GLIS3: variants seen among roughly 807,000 people sequenced by gnomAD.
The protein encoded by GLIS3 is GLIS family zinc finger 3.
Under a neutral mutation model 78.6 loss-of-function variants are expected in GLIS3, and 53 were observed. The ratio of observed to expected loss-of-function variants is 0.67; its 90% CI spans 0.54 to 0.85. The LOEUF is 0.85. Ranked by LOEUF, GLIS3 falls within the 40% of genes least tolerant of loss-of-function variation. GLIS3 has a pLI of 0.00. For missense variants in GLIS3, 1,703 were observed against 1,231.1 expected (o/e 1.38, Z -5.74); for synonymous variants, 684 against 509.9 (o/e 1.34, Z -4.60).
At chr9:4,260,237 C>A (rs2130001481) in intron 2 of GLIS3, among the ~76,000 whole-genome samples, 1 of 152,272 alleles carries the variant, frequency 6.6e-6, no homozygotes, top group Admixed American at 6.5e-5. Flanking sequence ...TTGAGACCAT[C>A]CTGCCCAACA....
upstream of GLIS3, among the ~76,000 whole-genome samples, chr9:4,301,449 A>C (rs1047616659): frequency 6.6e-6 from 1 of 152,248 alleles, no homozygotes; most frequent in South Asian, 2.1e-4. Context: ...GGAAATTGCC[A>C]TGACTATTCC....
At chr9:4,273,219 T>A (rs1018385273) in intron 2 of GLIS3, among the ~76,000 whole-genome samples, 1 of 151,144 alleles carries the variant, frequency 6.6e-6, no homozygotes, top group Admixed American at 6.6e-5. Flanking sequence ...TTGCAGTGGT[T>A]TATAGAGATC....
chr9:4,437,420 G>GTATGTATGTATGTATCTATC, the GLIS3 span, among the ~76,000 whole-genome samples: 23 of 126,928 alleles, frequency 1.8e-4, no homozygotes, highest in African/African-American at 5.5e-4. Context: ...ATGTATGTAT[G>GTATGTATGTATGTATCTATC]TATCTATCTA....
intron 7 of GLIS3, among the ~76,000 whole-genome samples, chr9:3,897,233 C>G (rs2130590371): frequency 6.6e-6 from 1 of 152,218 alleles, no homozygotes; most frequent in Non-Finnish European, 1.5e-5. Context: ...GGCCATTTTT[C>G]AATCACTTCT....
At chr9:3,844,501 T>A (rs1818919917) in intron 9 of GLIS3, among the ~76,000 whole-genome samples, 1 of 152,292 alleles carries the variant, frequency 6.6e-6, no homozygotes, top group Non-Finnish European at 1.5e-5. Flanking sequence ...TAGAAAGATG[T>A]CATTACTTCC....
intron 8 of GLIS3, among the ~76,000 whole-genome samples, chr9:3,861,260 ATATAAACAC>A (rs1820193096): frequency 6.6e-6 from 1 of 152,184 alleles, no homozygotes; most frequent in African/African-American, 2.4e-5. Flanking sequence ...GACTATTCAG[ATATAAACAC>A]TAAGGCTCAA....
chr9:4,425,902 T>C, the GLIS3 span, among the ~76,000 whole-genome samples: 71 of 152,252 alleles, frequency 4.7e-4, 2 homozygotes, highest in South Asian at 0.015. Context: ...TTGGTTCCAG[T>C]TCCTCAGTCC....
Position 4,201,173 on chromosome 9 carries a change from A to T in GLIS3, c.389-75232T>A, listed in dbSNP as rs141156360. Among the ~76,000 whole-genome samples the T allele has an allele frequency of 6.0e-3, 921 of 152,322 alleles. 10 individuals are homozygous for T. Among genetic ancestry groups the T allele is most frequent in the African/African-American group, 0.021 (872 of 41,580 alleles). ...AAAACCTCAAGAAACTAGGCATCAA[A>T]GGAACATACCTCAAAATAATCAGAT... On this transcript the variant is annotated intron_variant, in intron 2 of 10. Coordinates refer to ENST00000381971, the MANE Select transcript of GLIS3 (RefSeq NM_001042413.2).
chr9:4,238,758 T>A (rs533043238), intron 2 of GLIS3, among the ~76,000 whole-genome samples: 3 of 152,154 alleles, frequency 2.0e-5, no homozygotes, highest in African/African-American at 7.2e-5. Flanking sequence ...TCTTCCAGAG[T>A]TGGCTTTAAT....
chr9:4,124,658 G>C (rs1022499352), intron 3 of GLIS3, among the ~76,000 whole-genome samples: 3 of 152,178 alleles, frequency 2.0e-5, no homozygotes, highest in African/African-American at 7.2e-5. Flanking sequence ...AATGATTCAG[G>C]AACTATGATT....
At chr9:4,367,457 G>T in the GLIS3 span, among the ~76,000 whole-genome samples, 80 of 151,620 alleles carry the variant, frequency 5.3e-4, no homozygotes, top group African/African-American at 1.7e-3. Context: ...ATCCCCCTGG[G>T]CCTCCTGAAT....
At chr9:4,003,981 C>T (rs1821336085) in intron 4 of GLIS3, among the ~76,000 whole-genome samples, 1 of 152,070 alleles carries the variant, frequency 6.6e-6, no homozygotes, top group South Asian at 2.1e-4. Flanking sequence ...TTATGATGCC[C>T]CAGTGCACCA....
At chr9:4,094,131 T>C (rs911616504) in intron 4 of GLIS3, among the ~76,000 whole-genome samples, 7 of 152,084 alleles carry the variant, frequency 4.6e-5, no homozygotes, top group Admixed American at 1.3e-4. Context: ...TACCTGATGA[T>C]AGACAGAAAG....
the GLIS3 span, among the ~76,000 whole-genome samples, chr9:4,456,882 T>C: frequency 3.3e-5 from 5 of 152,148 alleles, no homozygotes; most frequent in African/African-American, 1.2e-4. Flanking sequence ...CCCAAAACAA[T>C]TGCAATACTA....
the GLIS3 span, among the ~76,000 whole-genome samples, chr9:4,460,893 T>C: frequency 6.6e-6 from 1 of 152,208 alleles, no homozygotes; most frequent in Non-Finnish European, 1.5e-5. Flanking sequence ...TCCTTGGCTG[T>C]ATGTTTGGTA....
At chr9:4,377,005 C>T in the GLIS3 span, among the ~76,000 whole-genome samples, 1 of 135,332 alleles carries the variant, frequency 7.4e-6, no homozygotes, top group African/African-American at 2.6e-5. Flanking sequence ...ACTTACTAGC[C>T]CAATAACTTG....
intron 2 of GLIS3, among the ~76,000 whole-genome samples, chr9:4,202,589 C>G (rs1232049648): frequency 6.6e-6 from 1 of 152,094 alleles, no homozygotes; most frequent in Admixed American, 6.5e-5. Context: ...CTACGGTAAA[C>G]AAAATCGCAT....
chr9:4,356,875 T>G, the GLIS3 span, among the ~76,000 whole-genome samples: 3 of 152,204 alleles, frequency 2.0e-5, no homozygotes, highest in African/African-American at 7.2e-5. Flanking sequence ...AAAGGTTAAA[T>G]TGGACTTTCA....
chr9:4,286,229 CCTCCTG>C lies in GLIS3; in HGVS notation c.191_196del (p.Ser64_Gly66delinsTer), dbSNP rs1211743460. The stretch of plus-strand genomic sequence containing the variant: ...CACGTTGTTCTGAGGAGCCATCCCT[CCTCCTG>C]AGGGCATCTTGAGATGGAGGTTGTT... On this transcript the variant is annotated stop_gained and inframe_deletion, in exon 2 of 11. Coordinates refer to ENST00000381971, the MANE Select transcript of GLIS3 (RefSeq NM_001042413.2). LOFTEE classifies it high-confidence loss of function. 6.2e-7 allele frequency: 1 copy of C among 1,614,110 alleles called. No individual in the cohort carries two copies. Among genetic ancestry groups the C allele is most frequent in the Non-Finnish European group, 8.5e-7 (1 of 1,180,052 alleles).
Sources: allele counts gnomAD v4.1 joint callset (sites outside exome capture counted in the v4.1 genomes callset), GRCh38; gene constraint gnomAD v4.1.1; transcripts MANE v1.5; gene names NCBI Gene and HGNC (gene_info 2026-07-23, HGNC 2026-07-21).